Variants in AFDN observed in about 807,000 individuals in gnomAD.
The protein encoded by AFDN is afadin, adherens junction formation factor, also known as afadin.
Under a neutral mutation model 216.6 loss-of-function variants are expected in AFDN, and 68 were observed. The observed-to-expected ratio is 0.31, with a 90% CI of 0.26 to 0.38. The LOEUF is 0.38. Among genes scored for constraint, AFDN ranks in the 10% least tolerant of loss-of-function variants. The pLI is 1.00. For missense variants in AFDN, 2,136 were observed against 2,342.0 expected (o/e 0.91, Z 1.82); for synonymous variants, 868 against 853.7 (o/e 1.02, Z -0.29).
chr6:167,882,638 C>CT (rs1786272005), intron 6 of AFDN, among the ~76,000 whole-genome samples: 1 of 152,106 alleles, frequency 6.6e-6, no homozygotes, highest in South Asian at 2.1e-4. Flanking sequence ...GAGCGAGACT[C>CT]TGTCTCAAAA....
At position 167,970,249 on chromosome 6, in the gene AFDN, A is replaced by G. The variant is rs1797933504; in HGVS notation, c.*314A>G. 6.5e-6 allele frequency: 2 copies of G among 310,042 alleles called. No individual in the cohort carries two copies. Among genetic ancestry groups the G allele is most frequent in the Admixed American group, 1.1e-4 (2 of 18,978 alleles). The allele number at this position is 310,042 out of a possible 1,614,324, so 19.2% of individuals were successfully genotyped here. A position where few individuals can be genotyped will look rare whatever the true frequency, so the allele number is the denominator to read the frequency against. ...AGGGGACAGAACTAAGGGCAGGAGAAGAGAATGGATGTGTCTTCTCTCCCA... is the reference window on the plus strand; with the variant it reads ...AGGGGACAGAACTAAGGGCAGGAGAGGAGAATGGATGTGTCTTCTCTCCCA... On this transcript the variant is annotated 3_prime_UTR_variant, in exon 34 of 34. Transcript: ENST00000683244.
At chr6:167,872,645 G>A (rs2128255909) in intron 4 of AFDN, among the ~76,000 whole-genome samples, 1 of 152,252 alleles carries the variant, frequency 6.6e-6, no homozygotes, top group South Asian at 2.1e-4. Flanking sequence ...GCAAACTCTA[G>A]TTAACATTAT....
intron 32 of AFDN, 49 bp downstream of exon 32, chr6:167,966,094 C>T: frequency 1.3e-5 from 20 of 1,537,188 alleles, no homozygotes; most frequent in Non-Finnish European, 1.7e-5. Flanking sequence ...GACCTTCTTC[C>T]TGCCCCTCTT....
At chr6:167,943,034 A>C (rs763462731) in intron 23 of AFDN, 95 bp from the exon 24 acceptor site, 1 of 867,680 alleles carries the variant, frequency 1.2e-6, no homozygotes, top group Non-Finnish European at 1.8e-6. Flanking sequence ...ATCTGTGTAC[A>C]TGTTGGGTGG....
intron 5 of AFDN, among the ~76,000 whole-genome samples, chr6:167,877,194 A>G (rs1033339366): frequency 1.3e-5 from 2 of 152,170 alleles, no homozygotes; most frequent in Admixed American, 6.5e-5. Context: ...GGCATTTAGG[A>G]TGGCCCCTCT....
intron 22 of AFDN, 38 bp from the exon 23 acceptor site, chr6:167,924,967 T>C: frequency 7.0e-7 from 1 of 1,437,354 alleles, no homozygotes. Flanking sequence ...AGCACTTCCA[T>C]TTCAGTCATA....
chr6:167,891,650 G>A (rs1374339961), intron 8 of AFDN, among the ~76,000 whole-genome samples: 1 of 152,062 alleles, frequency 6.6e-6, no homozygotes, highest in African/African-American at 2.4e-5. Flanking sequence ...CCATTGAGTA[G>A]AGAAATACGT....
At chr6:167,914,454 T>C (rs1423820787) in intron 17 of AFDN, 141 bp downstream of exon 17, 7 of 1,038,266 alleles carry the variant, frequency 6.7e-6, no homozygotes, top group Non-Finnish European at 9.7e-6. Flanking sequence ...TTTTGCAAAA[T>C]GTATTAACTA....
intron 8 of AFDN, among the ~76,000 whole-genome samples, chr6:167,892,021 G>A (rs532476247): frequency 6.6e-6 from 1 of 152,218 alleles, no homozygotes; most frequent in Admixed American, 6.5e-5. Flanking sequence ...GTTTCTTACA[G>A]CTAGGTTATT....
intron 1 of AFDN, among the ~76,000 whole-genome samples, chr6:167,837,547 C>T (rs973566808): frequency 6.6e-6 from 1 of 152,090 alleles, no homozygotes; most frequent in Admixed American, 6.5e-5. Context: ...CTAAGTTATT[C>T]TGATAGTAAT....
At chr6:167,875,760 A>G (rs960395353) in intron 5 of AFDN, among the ~76,000 whole-genome samples, 25 of 152,134 alleles carry the variant, frequency 1.6e-4, no homozygotes, top group Non-Finnish European at 3.1e-4. Flanking sequence ...ATACAAAAAA[A>G]GAGAAAGATA....
intron 1 of AFDN, among the ~76,000 whole-genome samples, chr6:167,834,456 G>GGT (rs1780180362): frequency 3.1e-5 from 2 of 64,184 alleles, no homozygotes; most frequent in East Asian, 6.4e-4. Context: ...TTGTTGTTTC[G>GGT]GTTTTTTTTT....
intron 8 of AFDN, among the ~76,000 whole-genome samples, chr6:167,893,240 G>A (rs2285240): frequency 0.3 from 45,905 of 152,154 alleles, 7,975 homozygotes; most frequent in East Asian, 0.6. Context: ...AAGTCATGAT[G>A]TCGTTTTAGG....
At chr6:167,927,155 G>T (rs1792654147) in intron 23 of AFDN, among the ~76,000 whole-genome samples, 1 of 152,118 alleles carries the variant, frequency 6.6e-6, no homozygotes, top group African/African-American at 2.4e-5. Context: ...CTTTACCTTT[G>T]TGTATTTTGG....
chr6:167,896,979 A>G lies in AFDN; in HGVS notation c.1317+7A>G, dbSNP rs755927780. The G allele has an allele frequency of 1.9e-5, 30 of 1,553,980 alleles. No homozygotes were observed. The highest frequency in any genetic ancestry group is 8.3e-5 in the Admixed American group (5 of 59,930). On this transcript the variant is annotated splice_region_variant and intron_variant, in intron 10 of 33. Transcript: ENST00000683244. ...GGATGACAACTCTATCCAGGTACGT[A>G]GTCTGAGCTTCCTGCTGCAACTCTG...
At chr6:167,966,121 C>T (rs1183787808) in intron 32 of AFDN, 76 bp downstream of exon 32, 8 of 1,535,852 alleles carry the variant, frequency 5.2e-6, no homozygotes, top group African/African-American at 1.4e-5. Context: ...CGGCCACCCC[C>T]CTGCCAGCCA....
At chr6:167,914,575 A>G in intron 17 of AFDN, 69 bp from the exon 18 acceptor site, 5 of 1,165,920 alleles carry the variant, frequency 4.3e-6, no homozygotes, top group South Asian at 1.3e-5. Context: ...ATTGTTTCCC[A>G]TGTGATAACA....
Position 167,918,952 on chromosome 6 carries a change from C to G in AFDN, c.2908+19C>G, listed in dbSNP as rs779915972. 1.2e-6 allele frequency: 2 copies of G among 1,601,284 alleles called. No homozygotes were observed. Among genetic ancestry groups the G allele is most frequent in the South Asian group, 2.2e-5 (2 of 90,050 alleles). ...CAGAGAGGTAAATTAGTCTAAATGCCTGAGTCTGAGCTACGCCCCAGGTTG... is the reference window on the plus strand; with the variant it reads ...CAGAGAGGTAAATTAGTCTAAATGCGTGAGTCTGAGCTACGCCCCAGGTTG... On this transcript the variant is annotated intron_variant, in intron 21 of 33. Coordinates refer to ENST00000683244, the MANE Select transcript of AFDN (RefSeq NM_001386888.1).
At chr6:167,959,379 A>C (rs1328722928) in intron 30 of AFDN, among the ~76,000 whole-genome samples, 1 of 152,194 alleles carries the variant, frequency 6.6e-6, no homozygotes, top group African/African-American at 2.4e-5. Context: ...GGTCCCTAAG[A>C]CATAGAGTAG....
Sources: gnomAD v4.1 joint callset for allele counts (sites outside exome capture counted in the v4.1 genomes callset) on GRCh38, gnomAD v4.1.1 for gene constraint, MANE v1.5 for transcripts, NCBI Gene and HGNC (gene_info 2026-07-23, HGNC 2026-07-21) for gene names.